FCHSD2: variants seen among roughly 807,000 people sequenced by gnomAD.
The protein encoded by FCHSD2 is F-BAR and double SH3 domains protein 2.
Under a neutral mutation model 108.1 loss-of-function variants are expected in FCHSD2, and 38 were observed. The ratio of observed to expected loss-of-function variants is 0.35; its 90% CI spans 0.27 to 0.46. The LOEUF (loss-of-function observed/expected upper bound fraction) is 0.46, where lower values mean the gene tolerates loss of function less well. Among genes scored for constraint, FCHSD2 ranks in the 20% least tolerant of loss-of-function variants. The pLI, the probability that FCHSD2 is intolerant of heterozygous loss-of-function variation, is 1.00. For missense variants in FCHSD2, 751 were observed against 897.8 expected (o/e 0.84, Z 2.09); for synonymous variants, 279 against 314.7 (o/e 0.89, Z 1.20).
At chr11:73,056,574 C>A (rs962042197) in intron 3 of FCHSD2, among the ~76,000 whole-genome samples, 5 of 152,166 alleles carry the variant, frequency 3.3e-5, no homozygotes, top group Non-Finnish European at 7.3e-5. Flanking sequence ...GATTTATTAT[C>A]ATTCTCAGAA....
intron 4 of FCHSD2, among the ~76,000 whole-genome samples, chr11:73,012,926 T>C (rs180803981): frequency 6.6e-6 from 1 of 152,252 alleles, no homozygotes; most frequent in African/African-American, 2.4e-5. Context: ...TACAACTTGA[T>C]TTCTGCTACA....
At chr11:73,137,956 G>C (rs1180951180) in intron 2 of FCHSD2, among the ~76,000 whole-genome samples, 2 of 152,192 alleles carry the variant, frequency 1.3e-5, no homozygotes, top group Non-Finnish European at 2.9e-5. Flanking sequence ...CTATAATAAT[G>C]TTTTTAGAAA....
At chr11:72,897,296 T>C (rs1424699890) in intron 10 of FCHSD2, among the ~76,000 whole-genome samples, 1 of 137,066 alleles carries the variant, frequency 7.3e-6, no homozygotes, top group Non-Finnish European at 1.6e-5. Context: ...CAACCGTGGA[T>C]CAAAAATATT....
chr11:73,083,565 A>G (rs1201850759), intron 3 of FCHSD2, 130 bp downstream of exon 3: 2 of 638,108 alleles, frequency 3.1e-6, no homozygotes, highest in Non-Finnish European at 5.5e-6. Flanking sequence ...AAGAAAAAAA[A>G]AAAAACAAGA....
intron 2 of FCHSD2, among the ~76,000 whole-genome samples, chr11:73,126,962 C>T (rs879631611): frequency 1.3e-5 from 2 of 152,106 alleles, no homozygotes; most frequent in African/African-American, 2.4e-5. Context: ...TGCTGGAACA[C>T]GGGAGGCAGA....
intron 2 of FCHSD2, among the ~76,000 whole-genome samples, chr11:73,109,629 G>T (rs7123525): frequency 0.022 from 3,380 of 152,168 alleles, 117 homozygotes; most frequent in African/African-American, 0.078. Flanking sequence ...CCAAATATAA[G>T]ATCAAATCAT....
chr11:72,963,516 T>C (rs550529441), intron 8 of FCHSD2, among the ~76,000 whole-genome samples: 2 of 152,328 alleles, frequency 1.3e-5, no homozygotes, highest in South Asian at 2.1e-4. Flanking sequence ...TTAGCCATTA[T>C]GCTGTGTGTG....
At position 72,900,030 on chromosome 11, in the gene FCHSD2, TGAA is replaced by T. The variant is rs201295990; in HGVS notation, c.924+2510_924+2512del. The stretch of plus-strand genomic sequence containing the variant: ...CTAAGGTTCTCTCCAGCACACCTGT[TGAA>T]GAAGATTAAGGTGCTTCACACAAGA... On this transcript the variant is annotated intron_variant, in intron 10 of 19. Coordinates refer to ENST00000409418, the MANE Select transcript of FCHSD2 (RefSeq NM_014824.3). Among the ~76,000 whole-genome samples, 1,280 of 152,300 alleles carry T rather than the reference TGAA, an allele frequency of 8.4e-3. 7 individuals carry two copies. The highest frequency in any genetic ancestry group is 0.051 in the Middle Eastern group (15 of 294).
intron 2 of FCHSD2, among the ~76,000 whole-genome samples, chr11:73,121,848 T>C (rs1860741721): frequency 6.6e-6 from 1 of 152,184 alleles, no homozygotes; most frequent in Non-Finnish European, 1.5e-5. Context: ...TGCAGGAGAT[T>C]AGGGATAAGC....
intron 12 of FCHSD2, among the ~76,000 whole-genome samples, chr11:72,880,786 G>C (rs539474210): frequency 6.6e-6 from 1 of 151,146 alleles, no homozygotes; most frequent in South Asian, 2.1e-4. Flanking sequence ...AGGATCACCT[G>C]AGCCTGGGGA....
chr11:73,029,336 G>A (rs981640272), intron 3 of FCHSD2, among the ~76,000 whole-genome samples: 13 of 152,100 alleles, frequency 8.5e-5, no homozygotes, highest in Admixed American at 4.6e-4. Flanking sequence ...ATCACACTGC[G>A]GCAAGATCGG....
chr11:72,858,887 AAT>A, intron 13 of FCHSD2, among the ~76,000 whole-genome samples: 1 of 152,314 alleles, frequency 6.6e-6, no homozygotes, highest in East Asian at 1.9e-4. Flanking sequence ...AACTGTTCAA[AAT>A]ATATGAAAGA....
intron 1 of FCHSD2, among the ~76,000 whole-genome samples, chr11:73,140,972 C>CA (rs1316588996): frequency 4.6e-5 from 7 of 152,214 alleles, no homozygotes; most frequent in Admixed American, 4.6e-4. Context: ...AAAGCAGCGG[C>CA]AGCAGACACG....
intron 8 of FCHSD2, among the ~76,000 whole-genome samples, chr11:72,978,906 G>C (rs1469202635): frequency 7.0e-6 from 1 of 143,854 alleles, no homozygotes. Context: ...ACCCAGGCTG[G>C]AGTGCAGTGG....
At chr11:72,907,605 T>TTG (rs1177693391) in intron 9 of FCHSD2, among the ~76,000 whole-genome samples, 7 of 147,020 alleles carry the variant, frequency 4.8e-5, no homozygotes, top group East Asian at 2.0e-4. Context: ...GTGGGTTTTT[T>TTG]TTTTTTTTTT....
intron 8 of FCHSD2, among the ~76,000 whole-genome samples, chr11:72,941,465 A>G (rs1036387304): frequency 1.3e-5 from 2 of 150,928 alleles, no homozygotes; most frequent in African/African-American, 4.9e-5. Context: ...AGTATAAAAT[A>G]TAGACTCCCA....
chr11:72,963,150 T>C (rs760379172), intron 8 of FCHSD2, among the ~76,000 whole-genome samples: 5 of 152,192 alleles, frequency 3.3e-5, no homozygotes, highest in Non-Finnish European at 7.4e-5. Flanking sequence ...TTTAAAAAAA[T>C]ATTGTCTTTG....
chr11:72,991,319 T>A (rs1857409957), intron 5 of FCHSD2, among the ~76,000 whole-genome samples: 1 of 152,100 alleles, frequency 6.6e-6, no homozygotes, highest in African/African-American at 2.4e-5. Flanking sequence ...CTGAAACTAT[T>A]CCAATCAATA....
At position 72,984,336 on chromosome 11, in the gene FCHSD2, C is replaced by A. The variant is rs192236942; in HGVS notation, c.577-120G>T. ...CAACAAGAATAAAGGTAACCACGTG[C>A]GGAAAACATTTATACGTATATAAAA... On this transcript the variant is annotated intron_variant, in intron 7 of 19. Transcript: ENST00000409418. The A allele has an allele frequency of 3.4e-4, 278 of 812,186 alleles. 2 individuals are homozygous for A. In the African/African-American group the frequency reaches 4.1e-3, roughly 12 times the overall value. The allele number at this position is 812,186 out of a possible 1,614,324, so 50.3% of individuals were successfully genotyped here.
Sources: allele counts gnomAD v4.1 joint callset (sites outside exome capture counted in the v4.1 genomes callset), GRCh38; gene constraint gnomAD v4.1.1; transcripts MANE v1.5; gene names NCBI Gene and HGNC (gene_info 2026-07-23, HGNC 2026-07-21).